CYP11A1: variants seen among roughly 807,000 people sequenced by gnomAD.
CYP11A1 encodes cholesterol side-chain cleavage enzyme, mitochondrial.
CYP11A1 carries 25 observed loss-of-function variants against 51.9 expected under a neutral mutation model. The observed-to-expected ratio is 0.48, with a 90% CI of 0.35 to 0.67. The LOEUF is 0.67. CYP11A1 is among the 30% of genes least tolerant of loss of function. The pLI is 0.00. For missense variants in CYP11A1, 578 were observed against 680.9 expected (o/e 0.85, Z 1.68); for synonymous variants, 245 against 262.1 (o/e 0.93, Z 0.63).
At position 74,343,992 on chromosome 15, in the gene CYP11A1, G is replaced by T. The variant is rs2060621118; in HGVS notation, c.626C>A (p.Ser209Tyr). ...SDDLFRFAFESITNVIFGERQ... is the reference protein window; with the variant it reads ...SDDLFRFAFEYITNVIFGERQ... ...CTCCCCAAAAATGACGTTAGTGATG[G>T]CTGCAGGGAGAGGAAGAGGCTGAGG... Residue 209 changes from serine to tyrosine, a missense_variant and splice_region_variant, in exon 4 of 9, where the codon TCC (serine) becomes TAC (tyrosine). Physicochemically the swap from Ser to Tyr is moderately radical, Grantham distance 144 (BLOSUM62 -2). Coordinates refer to ENST00000268053, the MANE Select transcript of CYP11A1 (RefSeq NM_000781.3). 1.2e-6 allele frequency: 2 copies of T among 1,613,804 alleles called. No individual in the cohort carries two copies. The highest frequency in any genetic ancestry group is 2.7e-5 in the African/African-American group (2 of 74,918).
intron 7 of CYP11A1, 47 bp downstream of exon 7, chr15:74,339,190 C>T (rs2060594070): frequency 1.3e-6 from 2 of 1,522,750 alleles, no homozygotes; most frequent in Non-Finnish European, 1.8e-6. Context: ...CAGCCTGCCC[C>T]AGCCCTCTCT....
intron 5 of CYP11A1, among the ~76,000 whole-genome samples, chr15:74,340,854 C>T (rs1268425571): frequency 6.6e-6 from 1 of 152,046 alleles, no homozygotes; most frequent in Non-Finnish European, 1.5e-5. Context: ...CCACCTCTCT[C>T]CAACACACAC....
intron 7 of CYP11A1, 56 bp downstream of exon 7, chr15:74,339,181 A>G (rs1263379576): frequency 4.8e-6 from 7 of 1,470,552 alleles, no homozygotes; most frequent in Non-Finnish European, 6.7e-6. Context: ...CTGCAATTCC[A>G]GCCTGCCCCA....
chr15:74,348,785 T>G (rs1412821793), intron 1 of CYP11A1, among the ~76,000 whole-genome samples: 2 of 152,124 alleles, frequency 1.3e-5, no homozygotes, highest in Non-Finnish European at 2.9e-5. Flanking sequence ...CAGGCTGGAG[T>G]GCAGTGGTGT....
At position 74,367,607 on chromosome 15, in the gene CYP11A1, G is replaced by A; in HGVS notation, c.-22C>T. The A allele has an allele frequency of 1.9e-6, 3 of 1,611,476 alleles. No individual in the cohort carries two copies. Among genetic ancestry groups the A allele is most frequent in the African/African-American group, 1.3e-5 (1 of 74,972 alleles). On this transcript the variant is annotated 5_prime_UTR_variant, in exon 1 of 9. Transcript: ENST00000268053. ...GCATGCTGTCCCCACAGCTGTGACT[G>A]TACCTGCTCCACTTCAGCGGGGACT...
chr15:74,342,453 G>A (rs970071724), intron 5 of CYP11A1, among the ~76,000 whole-genome samples: 1 of 152,192 alleles, frequency 6.6e-6, no homozygotes, highest in African/African-American at 2.4e-5. Context: ...AGAGCACTGG[G>A]GATGCCTCTG....
In CYP11A1 at chr15:74,343,109, C is replaced by G; in HGVS notation, c.858G>C (p.Trp286Cys). ...KADIYTQNFY[W>C]ELRQKGSVHH... ...GAACACTTCCTTTCTGTCTCAATTC[C>G]CAGTAGAAGTTCTGGGTGTATATGT... Residue 286 changes from tryptophan to cysteine, a missense_variant, in exon 5 of 9, where the codon TGG (tryptophan) becomes TGC (cysteine). Physicochemically the swap from Trp to Cys is radical, Grantham distance 215. Coordinates refer to ENST00000268053, the MANE Select transcript of CYP11A1 (RefSeq NM_000781.3). The G allele has an allele frequency of 6.2e-7, 1 of 1,613,910 alleles. No homozygotes were observed.
chr15:74,351,039 G>C (rs1368010884), intron 1 of CYP11A1: 1 of 152,126 alleles, frequency 6.6e-6, no homozygotes, highest in African/African-American at 2.4e-5. Context: ...ACCCTTGCTG[G>C]GCCCCACCTA....
In CYP11A1 at chr15:74,348,034, C is replaced by A; in HGVS notation, c.291G>T (p.Glu97Asp). Residue 97 changes from glutamate (E) to aspartate (D), a missense_variant, in exon 2 of 9, where the codon GAG (glutamate) becomes GAT (aspartate). By Grantham distance (45) the Glu-to-Asp change is conservative (BLOSUM62 2). Coordinates refer to ENST00000268053, the MANE Select transcript of CYP11A1 (RefSeq NM_000781.3). ...PIYREKLGNV[E>D]SVYVIDPEDV... ...CTTCAGGGTCGATGACATAAACCGA[C>A]TCCACGTTGCCGAGCTTCTCCCTGG... is the stretch of plus-strand genomic sequence containing the variant. 1.9e-6 allele frequency: 3 copies of A among 1,614,216 alleles called. No homozygotes were observed. The highest frequency in any genetic ancestry group is 2.7e-5 in the African/African-American group (2 of 75,074).
At chr15:74,358,280 A>C (rs896365934) in intron 1 of CYP11A1, among the ~76,000 whole-genome samples, 2 of 152,162 alleles carry the variant, frequency 1.3e-5, no homozygotes, top group East Asian at 3.8e-4. Flanking sequence ...TCTCCTTCTC[A>C]TCGGTCACTC....
At chr15:74,339,212 C>G (rs768062508) in intron 7 of CYP11A1, 25 bp downstream of exon 7, 10 of 1,590,422 alleles carry the variant, frequency 6.3e-6, no homozygotes, top group Non-Finnish European at 7.8e-6. Flanking sequence ...ACTGGCAGAG[C>G]CTGCAGCCTG....
In CYP11A1 at chr15:74,365,652, A is replaced by C. The variant is rs552058753; in HGVS notation, c.269+1665T>G. 3.4e-5 allele frequency: 33 copies of C among 982,902 alleles called. No homozygotes were observed. The African/African-American group carries it at 5.1e-4, about 15-fold the overall frequency. 60.9% of individuals were successfully genotyped at this position (982,902 alleles called of 1,614,324 possible). ...AGGAATACTTTCCCTTTTACCCACC[A>C]CCATCCCAGGCCTGGAAGAAGATCA... On this transcript the variant is annotated intron_variant, in intron 1 of 8. Coordinates refer to ENST00000268053, the MANE Select transcript of CYP11A1 (RefSeq NM_000781.3).
chr15:74,366,269 C>T, intron 1 of CYP11A1: 1 of 940,846 alleles, frequency 1.1e-6, no homozygotes, highest in Non-Finnish European at 1.3e-6. Flanking sequence ...TCAAATCTCC[C>T]TCCCCCGATT....
intron 1 of CYP11A1, chr15:74,364,176 C>T (rs1243389851): frequency 6.5e-6 from 1 of 153,056 alleles, no homozygotes; most frequent in Admixed American, 6.5e-5. Context: ...AAGACACCAC[C>T]CCTGGACATC....
chr15:74,357,808 CT>C (rs2060687829), intron 1 of CYP11A1, among the ~76,000 whole-genome samples: 1 of 152,230 alleles, frequency 6.6e-6, no homozygotes, highest in African/African-American at 2.4e-5. Context: ...TGCTTTAATA[CT>C]TTTAGAGGCC....
rs765575583 is a variant in CYP11A1, at chr15:74,342,936, G to C, written c.990+41C>G. ...GGCCTGGTGGGGAAGGGGCACGTGGGCACAGGGGGCAACAAGGTGCCGCCC... is the reference window on the plus strand; with the variant it reads ...GGCCTGGTGGGGAAGGGGCACGTGGCCACAGGGGGCAACAAGGTGCCGCCC... On this transcript the variant is annotated intron_variant, in intron 5 of 8. Coordinates refer to ENST00000268053, the MANE Select transcript of CYP11A1 (RefSeq NM_000781.3). 5 of 1,608,580 alleles carry C rather than the reference G, an allele frequency of 3.1e-6. No homozygotes were observed. The South Asian group carries it at 5.5e-5, about 18-fold the overall frequency.
intron 1 of CYP11A1, among the ~76,000 whole-genome samples, chr15:74,348,700 C>G (rs1348880223): frequency 2.6e-5 from 4 of 152,178 alleles, no homozygotes; most frequent in Non-Finnish European, 1.5e-5. Flanking sequence ...TTGCAAATCA[C>G]TTTGCAGACA....
chr15:74,348,382 T>G, intron 1 of CYP11A1: 1 of 378,686 alleles, frequency 2.6e-6, no homozygotes, highest in South Asian at 2.6e-5. Flanking sequence ...GAGCCTTCCA[T>G]GGACCAGCAA....
chr15:74,341,730 A>G (rs1045935515), intron 5 of CYP11A1, among the ~76,000 whole-genome samples: 2 of 152,172 alleles, frequency 1.3e-5, no homozygotes, highest in Non-Finnish European at 2.9e-5. Flanking sequence ...CAGAACCTCA[A>G]ATGTGACTAT....
Sources: gnomAD v4.1 joint callset for allele counts (sites outside exome capture counted in the v4.1 genomes callset) on GRCh38, gnomAD v4.1.1 for gene constraint, MANE v1.5 for transcripts, NCBI Gene and HGNC (gene_info 2026-07-23, HGNC 2026-07-21) for gene names.